Variants in RAB8B observed in about 807,000 individuals in gnomAD.
RAB8B encodes the protein ras-related protein Rab-8B.
A neutral mutation model predicts 32.0 loss-of-function variants in RAB8B; 11 were observed. The observed-to-expected ratio is 0.34, with a 90% CI of 0.22 to 0.57. The LOEUF is 0.57. RAB8B is among the 20% of genes least tolerant of loss of function. The pLI is 0.86. For missense variants in RAB8B, 190 were observed against 258.5 expected, an observed-to-expected ratio of 0.73 and a Z score of 1.82; for synonymous variants, 103 against 89.6, an observed-to-expected ratio of 1.15 and a Z score of -0.85.
At chr15:63,249,613 CA>C (rs1300718387) in intron 2 of RAB8B, 31 bp from the exon 3 acceptor site, 1 of 1,609,426 alleles carries the variant, frequency 6.2e-7, no homozygotes, top group Middle Eastern at 1.7e-4. Flanking sequence ...GTGATGACTT[CA>C]AAAACCACTC....
chr15:63,207,848 G>T (rs1373676241), intron 1 of RAB8B, among the ~76,000 whole-genome samples: 1 of 152,156 alleles, frequency 6.6e-6, no homozygotes, highest in Non-Finnish European at 1.5e-5. Context: ...ACAGGCGTGA[G>T]CCACCGCGCC....
chr15:63,190,838 A>G (rs2037550022), intron 1 of RAB8B, among the ~76,000 whole-genome samples: 1 of 152,194 alleles, frequency 6.6e-6, no homozygotes, highest in African/African-American at 2.4e-5. Context: ...GCCTCCCTGT[A>G]TATTTTGCTT....
chr15:63,261,116 T>G (rs948087150), intron 6 of RAB8B, among the ~76,000 whole-genome samples: 2 of 152,130 alleles, frequency 1.3e-5, no homozygotes, highest in Non-Finnish European at 1.5e-5. Context: ...ACAAAAGATC[T>G]GAATAGACAT....
intron 1 of RAB8B, among the ~76,000 whole-genome samples, chr15:63,237,306 T>C (rs1428487790): frequency 6.6e-6 from 1 of 152,236 alleles, no homozygotes; most frequent in Non-Finnish European, 1.5e-5. Flanking sequence ...GTGAGGAGAC[T>C]TCAAACTGTT....
chr15:63,250,695 G>T (rs530523882), intron 3 of RAB8B, among the ~76,000 whole-genome samples: 1 of 151,566 alleles, frequency 6.6e-6, no homozygotes, highest in East Asian at 1.9e-4. Flanking sequence ...TGCTTAGAAT[G>T]CCAGGCCCAG....
chr15:63,217,047 T>C (rs1006972841), intron 1 of RAB8B, among the ~76,000 whole-genome samples: 4 of 152,188 alleles, frequency 2.6e-5, no homozygotes, highest in Non-Finnish European at 4.4e-5. Context: ...AATCTAATTT[T>C]CTTTCATTTC....
chr15:63,257,699 A>C lies in RAB8B; in HGVS notation c.414+1105A>C, dbSNP rs946671948. Among the ~76,000 whole-genome samples the C allele has an allele frequency of 4.6e-5, 7 of 152,302 alleles. No homozygotes were observed. In the East Asian group the frequency reaches 1.3e-3, roughly 29 times the overall value. On this transcript the variant is annotated intron_variant, in intron 5 of 7. Coordinates refer to ENST00000321437, the MANE Select transcript of RAB8B (RefSeq NM_016530.3). ...TATATAAGAGTTCGCAATTTGTCTC[A>C]ATCAATAGAAATCAAAGCATGAATA...
intron 1 of RAB8B, among the ~76,000 whole-genome samples, chr15:63,218,161 G>A (rs192028092): frequency 1.3e-5 from 2 of 151,968 alleles, no homozygotes; most frequent in Admixed American, 1.3e-4. Context: ...GGAGGTGAAG[G>A]TTTAAAATAT....
chr15:63,256,670 T>C (rs1595750785), intron 5 of RAB8B, 76 bp downstream of exon 5: 2 of 1,096,176 alleles, frequency 1.8e-6, no homozygotes, highest in Non-Finnish European at 2.6e-6. Context: ...TATTTAATTA[T>C]TGATTTTTTT....
At position 63,203,697 on chromosome 15, in the gene RAB8B, G is replaced by A. The variant is rs547990643; in HGVS notation, c.124+13949G>A. On this transcript the variant is annotated intron_variant, in intron 1 of 7. Coordinates refer to ENST00000321437, the MANE Select transcript of RAB8B (RefSeq NM_016530.3). Reference sequence around the variant, plus strand: ...TTGACCCGTTTAATTCTTGCAACGCGTCTTAGTTGTGTTCCGTTATCCCTA... The same window carrying A: ...TTGACCCGTTTAATTCTTGCAACGCATCTTAGTTGTGTTCCGTTATCCCTA... Among the ~76,000 whole-genome samples, 17 of 152,260 alleles carry A rather than the reference G, an allele frequency of 1.1e-4. 2 individuals are homozygous for A. The highest frequency in any genetic ancestry group is 2.6e-4 in the African/African-American group (11 of 41,544).
At position 63,264,923 on chromosome 15, in the gene RAB8B, C is replaced by T. The variant is rs2038233541; in HGVS notation, c.*1304C>T. On this transcript the variant is annotated 3_prime_UTR_variant, in exon 8 of 8. Coordinates refer to ENST00000321437, the MANE Select transcript of RAB8B (RefSeq NM_016530.3). Reference sequence around the variant, plus strand: ...GTCCAGTCATTTGGGCTAAAGCCAACCAAAAGCTTAGTTGCCTTTCTCAAC... The same window carrying T: ...GTCCAGTCATTTGGGCTAAAGCCAATCAAAAGCTTAGTTGCCTTTCTCAAC... 6.6e-6 allele frequency: 1 copy of T among 152,644 alleles called. No homozygotes were observed. The highest frequency in any genetic ancestry group is 2.4e-5 in the African/African-American group (1 of 41,462). 9.5% of individuals were successfully genotyped at this position (152,644 alleles called of 1,614,324 possible). A position where few individuals can be genotyped will look rare whatever the true frequency, so the allele number is the denominator to read the frequency against.
At chr15:63,200,416 A>C (rs1419951017) in intron 1 of RAB8B, among the ~76,000 whole-genome samples, 1 of 152,234 alleles carries the variant, frequency 6.6e-6, no homozygotes, top group Non-Finnish European at 1.5e-5. Flanking sequence ...CAGAAAGATA[A>C]CTTATTGAAA....
intron 2 of RAB8B, 21 bp downstream of exon 2, chr15:63,244,837 A>T: frequency 6.5e-7 from 1 of 1,539,554 alleles, no homozygotes; most frequent in South Asian, 1.2e-5. Flanking sequence ...ACACACACAG[A>T]GTTTCTGCTT....
At position 63,221,246 on chromosome 15, in the gene RAB8B, G is replaced by A. The variant is rs550167390; in HGVS notation, c.125-23510G>A. On this transcript the variant is annotated intron_variant, in intron 1 of 7. Coordinates refer to ENST00000321437, the MANE Select transcript of RAB8B (RefSeq NM_016530.3). ...AAAATAATGTTGGATATGTTGGATG[G>A]GGCCATATATTTTAAGATGGGTAAT... 1.2e-4 allele frequency among the ~76,000 whole-genome samples: 18 copies of A among 152,198 alleles called. 1 individual carries two copies. The South Asian group carries it at 3.7e-3, about 32-fold the overall frequency.
At chr15:63,213,764 A>G (rs141061461) in intron 1 of RAB8B, among the ~76,000 whole-genome samples, 3 of 152,280 alleles carry the variant, frequency 2.0e-5, no homozygotes, top group East Asian at 3.9e-4. Context: ...TCCATCGCTT[A>G]TATCTGCTCT....
intron 1 of RAB8B, 44 bp downstream of exon 1, chr15:63,189,792 G>A: frequency 8.6e-7 from 1 of 1,159,254 alleles, no homozygotes. Context: ...AGAATTGGGG[G>A]GCGGGTACTA....
intron 1 of RAB8B, among the ~76,000 whole-genome samples, chr15:63,201,288 G>A (rs952121075): frequency 3.3e-5 from 5 of 152,214 alleles, no homozygotes; most frequent in African/African-American, 1.2e-4. Context: ...CAGAGGAGAG[G>A]TCGAGGAAGG....
In RAB8B at chr15:63,265,457, A is replaced by G. The variant is rs1443943447; in HGVS notation, c.*1838A>G. 1 of 152,184 alleles carries G rather than the reference A, an allele frequency of 6.6e-6. No individual in the cohort carries two copies. Among genetic ancestry groups the G allele is most frequent in the Admixed American group, 6.6e-5 (1 of 15,256 alleles). The allele number at this position is 152,184 out of a possible 1,614,324, so 9.4% of individuals were successfully genotyped here. ...TATAATTAGTAGTTCCGTGATTGAAAGTTTATTGTAATTCTACTATCTTCA... is the reference window on the plus strand; with the variant it reads ...TATAATTAGTAGTTCCGTGATTGAAGGTTTATTGTAATTCTACTATCTTCA... On this transcript the variant is annotated 3_prime_UTR_variant, in exon 8 of 8. Coordinates refer to ENST00000321437, the MANE Select transcript of RAB8B (RefSeq NM_016530.3). The surrounding 1 kb of genome is among the most constrained non-coding windows in gnomAD (Gnocchi z 4.9).
At chr15:63,254,043 C>A (rs1337241989) in intron 3 of RAB8B, among the ~76,000 whole-genome samples, 1 of 152,222 alleles carries the variant, frequency 6.6e-6, no homozygotes. Flanking sequence ...CCTTCAGCCT[C>A]AGCTTGTGCC....
Sources: allele counts gnomAD v4.1 joint callset (sites outside exome capture counted in the v4.1 genomes callset), GRCh38; gene constraint gnomAD v4.1.1; non-coding constraint Gnocchi (gnomAD v3.1); transcripts MANE v1.5; gene names NCBI Gene and HGNC (gene_info 2026-07-23, HGNC 2026-07-21).